BRD8: variants seen among roughly 807,000 people sequenced by gnomAD.
BRD8 encodes bromodomain-containing protein 8.
In BRD8, 67 loss-of-function variants were observed where a neutral mutation model predicts 143.1. The ratio of observed to expected loss-of-function variants is 0.47; its 90% CI spans 0.38 to 0.57. The LOEUF (loss-of-function observed/expected upper bound fraction) is 0.57. Ranked by LOEUF, BRD8 falls within the 20% of genes least tolerant of loss-of-function variation. The pLI, the probability that BRD8 is intolerant of heterozygous loss-of-function variation, is 0.00. For synonymous variants in BRD8, 505 were observed against 517.1 expected (o/e 0.98, Z 0.32); for missense variants, 1,103 against 1,503.0 (o/e 0.73, Z 4.40).
chr5:138,172,862 C>CAAA, intron 2 of BRD8: 1 of 266,108 alleles, frequency 3.8e-6, no homozygotes, highest in South Asian at 3.1e-5. Flanking sequence ...CTCCGCCATT[C>CAAA]AAAAAAAAAA....
chr5:138,150,434 G>A (rs375152869), intron 22 of BRD8, among the ~76,000 whole-genome samples: 7 of 151,976 alleles, frequency 4.6e-5, no homozygotes, highest in African/African-American at 1.2e-4. Flanking sequence ...TAATGATGAC[G>A]GTATTCTAAA....
chr5:138,151,060 A>T, intron 21 of BRD8, 52 bp from the exon 22 acceptor site: 1 of 1,575,964 alleles, frequency 6.3e-7, no homozygotes, highest in Middle Eastern at 1.8e-4. Flanking sequence ...GAAAATCATC[A>T]TCCACATATC....
At chr5:138,155,405 C>T (rs560437187) in intron 20 of BRD8, among the ~76,000 whole-genome samples, 7 of 148,796 alleles carry the variant, frequency 4.7e-5, no homozygotes, top group South Asian at 2.1e-4. Context: ...GCCGAGATTG[C>T]GCCATTGCAC....
Position 138,159,860 on chromosome 5 carries a change from T to C in BRD8, c.2532+209A>G, listed in dbSNP as rs7714515. On this transcript the variant is annotated intron_variant, in intron 19 of 26. Coordinates refer to ENST00000254900, the MANE Select transcript of BRD8 (RefSeq NM_139199.2). ...GAGGAATTAATAATTCCCCTACTCA[T>C]GATTTCTCCCATGTGACTGGGCCTT... Among the ~76,000 whole-genome samples the C allele has an allele frequency of 0.024, 3,718 of 152,316 alleles. 111 individuals are homozygous for C. The highest frequency in any genetic ancestry group is 0.075 in the African/African-American group (3,112 of 41,554).
intron 23 of BRD8, among the ~76,000 whole-genome samples, chr5:138,148,360 CTTCTCTT>C (rs1752245449): frequency 6.6e-6 from 1 of 151,834 alleles, no homozygotes; most frequent in African/African-American, 2.4e-5. Flanking sequence ...TAATTTTTTT[CTTCTCTT>C]TTATTTCTTG....
intron 5 of BRD8, 30 bp from the exon 6 acceptor site, chr5:138,170,942 G>A (rs369240497): frequency 6.2e-7 from 1 of 1,612,286 alleles, no homozygotes; most frequent in Non-Finnish European, 8.5e-7. Context: ...TAGGTAGACT[G>A]GGTTTTTTAA....
At chr5:138,172,898 T>G (rs993351766) in intron 2 of BRD8, 2 of 191,466 alleles carry the variant, frequency 1.0e-5, no homozygotes, top group Non-Finnish European at 2.2e-5. Flanking sequence ...TATATAATCA[T>G]TTGTGTTAGA....
At chr5:138,174,648 TA>T (rs1427110464) in intron 2 of BRD8, among the ~76,000 whole-genome samples, 1 of 151,776 alleles carries the variant, frequency 6.6e-6, no homozygotes, top group Non-Finnish European at 1.5e-5. Context: ...AAAAAGTTGT[TA>T]AAAGGGAAGA....
At chr5:138,175,026 A>C (rs901898363) in intron 2 of BRD8, among the ~76,000 whole-genome samples, 5 of 151,456 alleles carry the variant, frequency 3.3e-5, no homozygotes, top group Middle Eastern at 3.2e-3. Flanking sequence ...AGTAGCTGGG[A>C]CTACAGGCGC....
chr5:138,166,164 C>T (rs1168016434), intron 10 of BRD8, 56 bp from the exon 11 acceptor site: 2 of 1,275,108 alleles, frequency 1.6e-6, no homozygotes, highest in Admixed American at 1.8e-5. Context: ...AAAGCGACCA[C>T]CTTGAGATCA....
In BRD8 at chr5:138,140,807, G is replaced by C. The variant is rs1326104270; in HGVS notation, c.3513C>G (p.Asp1171Glu). The change falls in exon 26 of 27, where the codon GAC becomes GAG. Residue 1171 changes from aspartate to glutamate, a missense_variant. By Grantham distance (45) the Asp-to-Glu change is conservative. Transcript: ENST00000254900. Reference sequence around the variant, plus strand: ...CAGCATTTTGGAACATCAGCATCAGGTCTCGCAGGAATTGGGCCATGGTGC... The same window carrying C: ...CAGCATTTTGGAACATCAGCATCAGCTCTCGCAGGAATTGGGCCATGGTGC... ...RIRTMAQFLR[D>E]LMLMFQNAVM... is the part of the protein sequence containing the mutation. 9 of 1,614,126 alleles carry C rather than the reference G, an allele frequency of 5.6e-6. No individual in the cohort carries two copies. The highest frequency in any genetic ancestry group is 6.8e-6 in the Non-Finnish European group (8 of 1,180,016).
rs1752878907 is a variant in BRD8, at chr5:138,160,019, ACTT to A, written c.2532+47_2532+49del. 3 of 1,430,682 alleles carry A rather than the reference ACTT, an allele frequency of 2.1e-6. No individual in the cohort carries two copies. The East Asian group carries it at 6.8e-5, about 33-fold the overall frequency. The allele number at this position is 1,430,682 out of a possible 1,614,324, so 88.6% of individuals were successfully genotyped here. ...ACATAAGGGTCCTTGGATGCTTCAGACTTCTACTACTGGAACACTGGCACACAG... is the reference window on the plus strand; with the variant it reads ...ACATAAGGGTCCTTGGATGCTTCAGACTACTACTGGAACACTGGCACACAG... On this transcript the variant is annotated intron_variant, in intron 19 of 26. Coordinates refer to ENST00000254900, the MANE Select transcript of BRD8 (RefSeq NM_139199.2).
chr5:138,168,139 A>G lies in BRD8; in HGVS notation c.643-61T>C, dbSNP rs576994138. On this transcript the variant is annotated intron_variant, in intron 8 of 26. Coordinates refer to ENST00000254900, the MANE Select transcript of BRD8 (RefSeq NM_139199.2). ...AGCTTTCCTTCACTACCATTTCCCAACAAAGCTCCAGCAGTTGATCAAACT... is the reference window on the plus strand; with the variant it reads ...AGCTTTCCTTCACTACCATTTCCCAGCAAAGCTCCAGCAGTTGATCAAACT... 2.5e-4 allele frequency: 311 copies of G among 1,262,886 alleles called. 1 individual carries two copies. In the South Asian group the frequency reaches 3.5e-3, roughly 14 times the overall value. 78.2% of individuals were successfully genotyped at this position (1,262,886 alleles called of 1,614,324 possible).
At chr5:138,159,322 A>T (rs979364731) in intron 20 of BRD8, among the ~76,000 whole-genome samples, 1 of 152,042 alleles carries the variant, frequency 6.6e-6, no homozygotes, top group Non-Finnish European at 1.5e-5. Flanking sequence ...TCACCCCTAG[A>T]ATACATTTCA....
intron 7 of BRD8, among the ~76,000 whole-genome samples, chr5:138,170,085 C>T (rs573847282): frequency 6.6e-6 from 1 of 152,324 alleles, no homozygotes; most frequent in Non-Finnish European, 1.5e-5. Flanking sequence ...TTCACAGGCC[C>T]TTGACTTCTA....
At chr5:138,140,261 T>A in intron 26 of BRD8, 95 bp from the exon 27 acceptor site, 2 of 909,350 alleles carry the variant, frequency 2.2e-6, no homozygotes, top group Non-Finnish European at 3.5e-6. Flanking sequence ...CAACTATACT[T>A]TTTTCTTTAA....
chr5:138,166,621 T>C lies in BRD8; in HGVS notation c.894A>G (p.Pro298=). The change falls in exon 10 of 27, where the codon CCA becomes CCG. Residue 298 remains proline, a synonymous_variant. Transcript: ENST00000254900. ...CTTGGGACACAGACTCTACAGGGGG[T>C]GGCACAAGTTTAACTGGAGGCTCAC... The part of the protein sequence containing the change: ...VASEPPVKLV[P]PPVESVSQAT... 6.2e-7 allele frequency: 1 copy of C among 1,613,322 alleles called. No homozygotes were observed. Among genetic ancestry groups the C allele is most frequent in the Non-Finnish European group, 8.5e-7 (1 of 1,179,580 alleles).
At chr5:138,147,833 G>A (rs1361242124) in intron 23 of BRD8, among the ~76,000 whole-genome samples, 2 of 152,164 alleles carry the variant, frequency 1.3e-5, no homozygotes, top group East Asian at 3.9e-4. Context: ...AGCTATTCAT[G>A]AGGCTGAGGT....
At chr5:138,151,116 G>A (rs1217302261) in intron 21 of BRD8, 108 bp from the exon 22 acceptor site, 1 of 1,366,456 alleles carries the variant, frequency 7.3e-7, no homozygotes, top group East Asian at 2.3e-5. Context: ...AGTCTGAGAG[G>A]ACAAAATGGT....
Sources: gnomAD v4.1 joint callset for allele counts (sites outside exome capture counted in the v4.1 genomes callset) on GRCh38, gnomAD v4.1.1 for gene constraint, MANE v1.5 for transcripts, NCBI Gene and HGNC (gene_info 2026-07-23, HGNC 2026-07-21) for gene names.